Variants in FCGR2B observed in about 807,000 individuals in gnomAD.
FCGR2B encodes the protein low affinity immunoglobulin gamma Fc region receptor II-b.
A neutral mutation model predicts 24.8 loss-of-function variants in FCGR2B; 18 were observed. The ratio of observed to expected loss-of-function variants is 0.73; its 90% CI spans 0.50 to 1.08. The LOEUF (loss-of-function observed/expected upper bound fraction) is 1.08, where lower values mean the gene tolerates loss of function less well. Ranked by LOEUF, FCGR2B falls within the 50% of genes least tolerant of loss-of-function variation. The pLI, the probability that FCGR2B is intolerant of heterozygous loss-of-function variation, is 0.00. For missense variants in FCGR2B, 215 were observed against 297.6 expected (o/e 0.72, Z 2.04); for synonymous variants, 79 against 109.8 (o/e 0.72, Z 1.75).
intron 6 of FCGR2B, 87 bp from the exon 7 acceptor site, chr1:161,677,241 G>A: frequency 7.7e-7 from 1 of 1,306,274 alleles, no homozygotes; most frequent in Non-Finnish European, 1.1e-6. Flanking sequence ...CTCTAGTTTG[G>A]GCGTTGGTTT....
chr1:161,675,977 G>A (rs1682091167), intron 6 of FCGR2B: 5 of 232,400 alleles, frequency 2.2e-5, no homozygotes, highest in Non-Finnish European at 4.3e-5. Context: ...CTCCCTGATG[G>A]GGTTCAGTCT....
chr1:161,671,334 G>T (rs1354979909), intron 2 of FCGR2B, 58 bp from the exon 3 acceptor site: 11 of 1,613,398 alleles, frequency 6.8e-6, no homozygotes, highest in Non-Finnish European at 9.3e-6. Flanking sequence ...GAGATTCAGG[G>T]CCTCTCAAGC....
Position 161,677,681 on chromosome 1 carries a change from A to G in FCGR2B, c.*128A>G. 1.4e-6 allele frequency: 1 copy of G among 737,206 alleles called. No homozygotes were observed. Among genetic ancestry groups the G allele is most frequent in the Non-Finnish European group, 2.3e-6 (1 of 441,168 alleles). The allele number at this position is 737,206 out of a possible 1,614,324, so 45.7% of individuals were successfully genotyped here. On this transcript the variant is annotated 3_prime_UTR_variant, in exon 8 of 8. Transcript: ENST00000358671. The stretch of plus-strand genomic sequence containing the variant: ...TTCCAAAAGAGAAGGTTTCTTCCAG[A>G]GTCATCTACCTGAGTCCTGAAGCTC...
chr1:161,654,586 T>G, the FCGR2B span, among the ~76,000 whole-genome samples: 1 of 133,308 alleles, frequency 7.5e-6, no homozygotes, highest in African/African-American at 2.5e-5. Context: ...TGGAGGCCCA[T>G]GAAGATGCTT....
chr1:161,669,583 A>G (rs1681506580), intron 1 of FCGR2B, among the ~76,000 whole-genome samples: 1 of 130,724 alleles, frequency 7.6e-6, no homozygotes, highest in Non-Finnish European at 1.7e-5. Context: ...ACAAAATAAA[A>G]TAAAATAAAA....
At chr1:161,671,014 C>T (rs928945701) in intron 2 of FCGR2B, among the ~76,000 whole-genome samples, 19 of 151,802 alleles carry the variant, frequency 1.3e-4, no homozygotes, top group African/African-American at 2.2e-4. Context: ...CTTTGTTTAT[C>T]GGGGAGAAAA....
At chr1:161,667,800 C>CTTTTT (rs542747901) in intron 1 of FCGR2B, among the ~76,000 whole-genome samples, 1 of 23,702 alleles carries the variant, frequency 4.2e-5, no homozygotes, top group African/African-American at 1.8e-4. Flanking sequence ...ACAGTCATCT[C>CTTTTT]TTTTTTTTTT....
the FCGR2B span, among the ~76,000 whole-genome samples, chr1:161,649,167 G>T: frequency 6.6e-6 from 1 of 150,778 alleles, no homozygotes; most frequent in South Asian, 2.1e-4. Context: ...CTTTCAGAAG[G>T]CTCATAAGCC....
intron 6 of FCGR2B, 164 bp downstream of exon 6, chr1:161,675,477 C>G (rs1199260176): frequency 5.9e-6 from 3 of 511,802 alleles, no homozygotes; most frequent in Non-Finnish European, 1.1e-5. Flanking sequence ...CTTAGTCTAA[C>G]TCCTGGGCCT....
intron 2 of FCGR2B, 35 bp from the exon 3 acceptor site, chr1:161,671,357 T>C: frequency 2.5e-6 from 4 of 1,614,116 alleles, no homozygotes; most frequent in Non-Finnish European, 3.4e-6. Flanking sequence ...CTGGGCTTCC[T>C]CTTCTTCATG....
At chr1:161,671,760 G>C in intron 3 of FCGR2B, 111 bp downstream of exon 3, 6 of 1,560,924 alleles carry the variant, frequency 3.8e-6, no homozygotes, top group South Asian at 1.2e-5. Context: ...GGGAAGTATC[G>C]CTGTGAGTTG....
rs146135469 is a variant in FCGR2B at position 161,678,089 on chromosome 1, G to A, written c.*536G>A. The A allele has an allele frequency of 1.0e-4, 22 of 219,548 alleles. No homozygotes were observed. The highest frequency in any genetic ancestry group is 4.7e-4 in the African/African-American group (21 of 44,666). 13.6% of individuals were successfully genotyped at this position (219,548 alleles called of 1,614,324 possible). On this transcript the variant is annotated 3_prime_UTR_variant, in exon 8 of 8. Transcript: ENST00000358671. The stretch of plus-strand genomic sequence containing the variant: ...TTACCTTTTCAAGGCTGTATTGGTT[G>A]GAGTGTAGACTGAACTGCCTGGGGT...
At chr1:161,677,074 C>T in intron 6 of FCGR2B, 1 of 514,992 alleles carries the variant, frequency 1.9e-6, no homozygotes, top group Non-Finnish European at 3.4e-6. Context: ...CTCAGCAATT[C>T]CCTGAAAAGA....
rs1243341566 is a variant in FCGR2B at position 161,673,225 on chromosome 1, C to T, written c.642C>T (p.Val214=). The change falls in exon 4 of 8, where the codon GTC becomes GTT. Residue 214 remains valine (V), a synonymous_variant. Transcript: ENST00000358671. ...CATCCAAGCCTGTGACCATCACTGT[C>T]CAAGGTATGCGGAGTCTGCCAAGAT... The part of the protein sequence containing the change: ...LYSSKPVTIT[V]QAPSSSPMGI... The T allele has an allele frequency of 6.9e-6, 11 of 1,599,430 alleles. No homozygotes were observed. Among genetic ancestry groups the T allele is most frequent in the Non-Finnish European group, 9.4e-6 (11 of 1,172,530 alleles).
chr1:161,650,636 G>T, the FCGR2B span, among the ~76,000 whole-genome samples: 1 of 141,626 alleles, frequency 7.1e-6, no homozygotes, highest in Non-Finnish European at 1.5e-5. Context: ...GGAGCGGGGG[G>T]CAAAACCAAC....
Position 161,675,335 on chromosome 1 carries a change from G to A in FCGR2B, c.817+22G>A, listed in dbSNP as rs780471590. ...CCAGGTGAGTACAGGTTGTCTCAGG[G>A]ATTCAGTGATGGCTCACCAGGGCTG... is the stretch of plus-strand genomic sequence containing the variant. On this transcript the variant is annotated intron_variant, in intron 6 of 7. Transcript: ENST00000358671. 14 of 1,513,044 alleles carry A rather than the reference G, an allele frequency of 9.3e-6. No homozygotes were observed. In the East Asian group the frequency reaches 3.2e-4, roughly 34 times the overall value. 93.7% of individuals were successfully genotyped at this position (1,513,044 alleles called of 1,614,324 possible).
chr1:161,677,156 C>T (rs1682216769), intron 6 of FCGR2B, 172 bp from the exon 7 acceptor site: 13 of 678,690 alleles, frequency 1.9e-5, no homozygotes, highest in South Asian at 1.7e-5. Flanking sequence ...CTACCCTATG[C>T]ATCGATCAAT....
At chr1:161,648,606 A>T in the FCGR2B span, among the ~76,000 whole-genome samples, 1 of 150,950 alleles carries the variant, frequency 6.6e-6, no homozygotes, top group African/African-American at 2.4e-5. Flanking sequence ...TGTATTTTAG[A>T]TATGTCTTTT....
chr1:161,648,702 T>C, the FCGR2B span, among the ~76,000 whole-genome samples: 1 of 150,982 alleles, frequency 6.6e-6, no homozygotes, highest in Non-Finnish European at 1.5e-5. Context: ...TTTCTTTCTT[T>C]TTTTTGAGGC....
Sources: allele counts gnomAD v4.1 joint callset (sites outside exome capture counted in the v4.1 genomes callset), GRCh38; gene constraint gnomAD v4.1.1; transcripts MANE v1.5; gene names NCBI Gene and HGNC (gene_info 2026-07-23, HGNC 2026-07-21).